Variants in SORBS2 observed in about 807,000 individuals in gnomAD.
The protein encoded by SORBS2 is sorbin and SH3 domain-containing protein 2.
In SORBS2, 46 loss-of-function variants were observed where a neutral mutation model predicts 97.7. The observed-to-expected ratio is 0.47, with a 90% CI of 0.37 to 0.60. The LOEUF is 0.60. SORBS2 is among the 20% of genes least tolerant of loss of function. SORBS2 has a pLI of 0.00. For synonymous variants in SORBS2, 476 were observed against 473.4 expected (o/e 1.01, Z -0.07); for missense variants, 1,316 against 1,282.3 (o/e 1.03, Z -0.40).
intron 1 of SORBS2, among the ~76,000 whole-genome samples, chr4:185,950,932 T>G (rs1023187812): frequency 6.6e-6 from 1 of 152,170 alleles, no homozygotes; most frequent in Non-Finnish European, 1.5e-5. Context: ...TGAACCCCTA[T>G]AAGTATTTCC....
intron 2 of SORBS2, among the ~76,000 whole-genome samples, chr4:185,732,336 G>A (rs1479205607): frequency 6.6e-6 from 1 of 152,216 alleles, no homozygotes; most frequent in Admixed American, 6.5e-5. Context: ...GAGTGTCAGA[G>A]AAGAGTCACC....
In SORBS2 at chr4:185,868,147, CTTTTTTTCTTTCTTTTTTT is replaced by C. The variant is rs2099228130; in HGVS notation, c.-338+88030_-338+88048del. ...TCTACTTTCCTTTCTCTTTTCTTTT[CTTTTTTTCTTTCTTTTTTT>C]TTTTTTTTGAGGCAGAGTCTCACTC... is the stretch of plus-strand genomic sequence containing the variant. On this transcript the variant is annotated intron_variant, in intron 1 of 20. Transcript: ENST00000284776. Among the ~76,000 whole-genome samples the C allele has an allele frequency of 5.7e-4, 51 of 89,804 alleles. 2 individuals are homozygous for C. The highest frequency in any genetic ancestry group is 2.4e-3 in the African/African-American group (50 of 21,020). 58.9% of individuals were successfully genotyped at this position (89,804 alleles called of 152,430 possible). A position where few individuals can be genotyped will look rare whatever the true frequency, so the allele number is the denominator to read the frequency against.
chr4:185,935,696 T>G (rs2099268587), intron 1 of SORBS2, among the ~76,000 whole-genome samples: 1 of 152,070 alleles, frequency 6.6e-6, no homozygotes, highest in Non-Finnish European at 1.5e-5. Flanking sequence ...CGGTGGGCTG[T>G]TTTTGAGATA....
chr4:185,857,093 C>T (rs1255413743), intron 1 of SORBS2, among the ~76,000 whole-genome samples: 1 of 152,126 alleles, frequency 6.6e-6, no homozygotes, highest in East Asian at 1.9e-4. Flanking sequence ...TATATAAGGT[C>T]GTTAGTATGG....
At chr4:185,697,727 C>G (rs1217420986) in intron 2 of SORBS2, among the ~76,000 whole-genome samples, 1 of 152,154 alleles carries the variant, frequency 6.6e-6, no homozygotes, top group Non-Finnish European at 1.5e-5. Flanking sequence ...GTGATAACAT[C>G]CTGATGGCAG....
chr4:185,933,273 G>A (rs2099267343), intron 1 of SORBS2: 1 of 152,174 alleles, frequency 6.6e-6, no homozygotes, highest in African/African-American at 2.4e-5. Flanking sequence ...CGTTACAGCA[G>A]TTCTAGAGTA....
At chr4:185,654,584 T>C (rs1400482040) in intron 1 of SORBS2, among the ~76,000 whole-genome samples, 1 of 152,196 alleles carries the variant, frequency 6.6e-6, no homozygotes, top group African/African-American at 2.4e-5. Flanking sequence ...AATGCCCTGC[T>C]GGCAAAGGGA....
At chr4:185,658,690 A>G (rs978801733), upstream of SORBS2, among the ~76,000 whole-genome samples, 24 of 122,230 alleles carry the variant, frequency 2.0e-4, no homozygotes, top group African/African-American at 6.3e-4. Flanking sequence ...AAAATAAGTA[A>G]GCTTTTTTTT....
chr4:185,802,185 C>T (rs868101383), intron 1 of SORBS2, among the ~76,000 whole-genome samples: 7 of 152,166 alleles, frequency 4.6e-5, no homozygotes, highest in African/African-American at 1.2e-4. Flanking sequence ...GTTACTTCTG[C>T]GCATGTCTTT....
intron 4 of SORBS2, chr4:185,666,032 C>T (rs1561790572): frequency 4.7e-6 from 6 of 1,289,486 alleles, no homozygotes; most frequent in Non-Finnish European, 6.1e-6. Context: ...CCCACACCAT[C>T]GGGGGGCGGA....
intron 12 of SORBS2, among the ~76,000 whole-genome samples, chr4:185,603,633 G>A (rs4861672): frequency 0.75 from 114,713 of 152,136 alleles, 43,282 homozygotes; most frequent in East Asian, 0.87. Context: ...GTGAGCTATT[G>A]TTTGAAGTCT....
At chr4:185,942,511 C>A (rs1286814679) in intron 1 of SORBS2, among the ~76,000 whole-genome samples, 1 of 152,022 alleles carries the variant, frequency 6.6e-6, no homozygotes, top group Non-Finnish European at 1.5e-5. Flanking sequence ...CCACCATGCC[C>A]AGCTGACTTT....
intron 2 of SORBS2, among the ~76,000 whole-genome samples, chr4:185,769,559 C>T (rs886455541): frequency 2.0e-5 from 3 of 152,182 alleles, no homozygotes; most frequent in Admixed American, 6.5e-5. Flanking sequence ...GACACCATCT[C>T]GGCTCACGGC....
At chr4:185,857,759 A>C (rs1241029155) in intron 1 of SORBS2, among the ~76,000 whole-genome samples, 1 of 152,126 alleles carries the variant, frequency 6.6e-6, no homozygotes, top group Non-Finnish European at 1.5e-5. Context: ...GAGATAAGGG[A>C]TGAAATACGC....
At chr4:185,756,657 T>A (rs28682410) in intron 2 of SORBS2, among the ~76,000 whole-genome samples, 1 of 151,788 alleles carries the variant, frequency 6.6e-6, no homozygotes, top group African/African-American at 2.4e-5. Flanking sequence ...GCTTCCATTT[T>A]TTTTTGGCAT....
chr4:185,725,091 T>C (rs1227706284), intron 2 of SORBS2, among the ~76,000 whole-genome samples: 1 of 152,232 alleles, frequency 6.6e-6, no homozygotes, highest in African/African-American at 2.4e-5. Flanking sequence ...TTTTTTCTTT[T>C]ATCAATTATG....
Position 185,709,304 on chromosome 4 carries a change from C to CCTT in SORBS2, c.-197-30483_-197-30482insAAG, listed in dbSNP as rs1554199361. 3.9e-4 allele frequency among the ~76,000 whole-genome samples: 38 copies of CCTT among 96,768 alleles called. 4 individuals are homozygous for CCTT. Among genetic ancestry groups the CCTT allele is most frequent in the South Asian group, 1.8e-3 (5 of 2,846 alleles). The allele number at this position is 96,768 out of a possible 152,430, so 63.5% of individuals were successfully genotyped here. A position where few individuals can be genotyped will look rare whatever the true frequency, so the allele number is the denominator to read the frequency against. On this transcript the variant is annotated intron_variant, in intron 2 of 20. Transcript: ENST00000284776. ...GCATGAGCCGCTGTGCTGGCCAAATCTTTTTTTTTTTTTTTTTTTTAGTAA... is the reference window on the plus strand; with the variant it reads ...GCATGAGCCGCTGTGCTGGCCAAATCCTTTTTTTTTTTTTTTTTTTTTTAGTAA...
At chr4:185,675,554 A>C (rs2097778671) in intron 4 of SORBS2, 1 of 152,210 alleles carries the variant, frequency 6.6e-6, no homozygotes, top group Admixed American at 6.5e-5. Context: ...GCCTTTTGCC[A>C]GCTGCATGAC....
At chr4:185,895,480 A>T (rs2099244569) in intron 1 of SORBS2, among the ~76,000 whole-genome samples, 1 of 152,216 alleles carries the variant, frequency 6.6e-6, no homozygotes, top group Admixed American at 6.5e-5. Flanking sequence ...CAGCGGCGTG[A>T]GCATCCGTTC....
Sources: allele counts gnomAD v4.1 joint callset (sites outside exome capture counted in the v4.1 genomes callset), GRCh38; gene constraint gnomAD v4.1.1; transcripts MANE v1.5; gene names NCBI Gene and HGNC (gene_info 2026-07-23, HGNC 2026-07-21).